WDFY2: variants seen among roughly 807,000 people sequenced by gnomAD.
WDFY2 encodes the protein WD repeat and FYVE domain containing 2.
Under a neutral mutation model 56.4 loss-of-function variants are expected in WDFY2, and 36 were observed. That is an observed-to-expected ratio of 0.64 (90% CI 0.49 to 0.84). The LOEUF is 0.84. Ranked by LOEUF, WDFY2 falls within the 40% of genes least tolerant of loss-of-function variation. The pLI, the probability that WDFY2 is intolerant of heterozygous loss-of-function variation, is 0.00. For missense variants in WDFY2, 444 were observed against 512.2 expected, an observed-to-expected ratio of 0.87 and a Z score of 1.29; for synonymous variants, 176 against 183.7, an observed-to-expected ratio of 0.96 and a Z score of 0.34.
intron 1 of WDFY2, among the ~76,000 whole-genome samples, chr13:51,650,429 TG>T (rs1955352846): frequency 1.3e-5 from 2 of 152,342 alleles, no homozygotes; most frequent in South Asian, 4.1e-4. Flanking sequence ...CCGATTGCCC[TG>T]GCCAGAACTT....
intron 1 of WDFY2, among the ~76,000 whole-genome samples, chr13:51,608,316 T>C (rs1221280430): frequency 1.3e-5 from 2 of 152,254 alleles, no homozygotes; most frequent in African/African-American, 2.4e-5. Context: ...CCCCTATTTT[T>C]CCTCATGAAC....
In WDFY2 at chr13:51,761,351, C is replaced by T. The variant is rs1382928800; in HGVS notation, c.*1582C>T. On this transcript the variant is annotated 3_prime_UTR_variant, in exon 12 of 12. Coordinates refer to ENST00000298125, the MANE Select transcript of WDFY2 (RefSeq NM_052950.4). ...AAGTCCCTTTTAAAAATCTTATTTT[C>T]ACCTGTAAAAATAGAATAAAAATTA... 1 of 152,178 alleles carries T rather than the reference C, an allele frequency of 6.6e-6. No individual in the cohort carries two copies. The highest frequency in any genetic ancestry group is 1.9e-4 in the East Asian group (1 of 5,194). 9.4% of individuals were successfully genotyped at this position (152,178 alleles called of 1,614,324 possible). A position where few individuals can be genotyped will look rare whatever the true frequency, so the allele number is the denominator to read the frequency against.
chr13:51,688,292 C>A (rs1467081757), intron 3 of WDFY2, among the ~76,000 whole-genome samples: 1 of 152,088 alleles, frequency 6.6e-6, no homozygotes, highest in Admixed American at 6.6e-5. Context: ...CTTTTGTGTT[C>A]ATGTAATGCG....
intron 1 of WDFY2, chr13:51,585,964 T>C (rs1343968430): frequency 5.0e-6 from 2 of 398,382 alleles, no homozygotes; most frequent in African/African-American, 4.1e-5. Flanking sequence ...AGTATATTAA[T>C]GACATGTTCT....
intron 7 of WDFY2, among the ~76,000 whole-genome samples, chr13:51,745,475 G>T (rs1201401912): frequency 1.3e-5 from 2 of 152,098 alleles, no homozygotes; most frequent in Admixed American, 6.5e-5. Flanking sequence ...TGTGGGATTA[G>T]GTGTGTCTTA....
At position 51,724,908 on chromosome 13, in the gene WDFY2, A is replaced by G. The variant is rs151325408; in HGVS notation, c.486-2770A>G. On this transcript the variant is annotated intron_variant, in intron 5 of 11. Transcript: ENST00000298125. ...TCTGAAATAAGCCCACTTAGCCTTC[A>G]GTAGCTTCCTTGCCTTCTGACTCAA... is the stretch of plus-strand genomic sequence containing the variant. Among the ~76,000 whole-genome samples, 933 of 152,324 alleles carry G rather than the reference A, an allele frequency of 6.1e-3. 9 individuals are homozygous for G. Among genetic ancestry groups the G allele is most frequent in the African/African-American group, 0.018 (767 of 41,570 alleles).
intron 4 of WDFY2, among the ~76,000 whole-genome samples, chr13:51,713,943 G>A (rs1471545802): frequency 6.6e-6 from 1 of 151,978 alleles, no homozygotes; most frequent in Non-Finnish European, 1.5e-5. Flanking sequence ...AAGGCAAATG[G>A]TGATTACCAA....
intron 7 of WDFY2, among the ~76,000 whole-genome samples, chr13:51,745,789 T>C (rs939772525): frequency 7.0e-6 from 1 of 143,790 alleles, no homozygotes; most frequent in African/African-American, 2.6e-5. Flanking sequence ...ATGAGGTTAG[T>C]CCTGATTATT....
At chr13:51,755,167 A>G (rs761287389) in intron 8 of WDFY2, among the ~76,000 whole-genome samples, 191 bp from the exon 9 acceptor site, 2 of 152,220 alleles carry the variant, frequency 1.3e-5, no homozygotes, top group African/African-American at 2.4e-5. Context: ...CTTATTCACC[A>G]CTACATCCCA....
intron 1 of WDFY2, among the ~76,000 whole-genome samples, chr13:51,608,575 G>A (rs887835137): frequency 3.3e-5 from 5 of 152,162 alleles, no homozygotes; most frequent in Non-Finnish European, 1.5e-5. Flanking sequence ...CAGCTACTTG[G>A]GTGGCTGAGG....
chr13:51,674,546 A>G (rs1047699448), intron 2 of WDFY2, among the ~76,000 whole-genome samples: 31 of 152,144 alleles, frequency 2.0e-4, no homozygotes, highest in Admixed American at 1.8e-3. Flanking sequence ...CTTTCCTACA[A>G]TGCCAAGCCC....
chr13:51,647,807 T>C (rs1456238728), intron 1 of WDFY2, among the ~76,000 whole-genome samples: 3 of 150,598 alleles, frequency 2.0e-5, no homozygotes, highest in African/African-American at 7.3e-5. Flanking sequence ...ACCACCATTA[T>C]ATATGTGGTC....
Position 51,712,379 on chromosome 13 carries a change from A to G in WDFY2, c.335-6819A>G, listed in dbSNP as rs1952241290. On this transcript the variant is annotated intron_variant, in intron 4 of 11. Coordinates refer to ENST00000298125, the MANE Select transcript of WDFY2 (RefSeq NM_052950.4). ...AATGGGTGCAGCACACCAACATGGC[A>G]CAAGTATACATATGTAACAAATCTG... Among the ~76,000 whole-genome samples, 3 of 152,314 alleles carry G rather than the reference A, an allele frequency of 2.0e-5. No individual in the cohort carries two copies. In the South Asian group the frequency reaches 6.2e-4, roughly 32 times the overall value.
At chr13:51,633,796 C>A (rs903816482) in intron 1 of WDFY2, among the ~76,000 whole-genome samples, 14 of 152,130 alleles carry the variant, frequency 9.2e-5, no homozygotes, top group African/African-American at 2.7e-4. Flanking sequence ...AGGGCAGCAC[C>A]TTTTATTGTG....
At chr13:51,595,401 G>T (rs1954126106) in intron 1 of WDFY2, among the ~76,000 whole-genome samples, 1 of 152,162 alleles carries the variant, frequency 6.6e-6, no homozygotes, top group Non-Finnish European at 1.5e-5. Context: ...GAATTTGTCG[G>T]CAAGGTTTAA....
At chr13:51,702,039 C>T (rs376469259) in intron 3 of WDFY2, among the ~76,000 whole-genome samples, 5 of 152,134 alleles carry the variant, frequency 3.3e-5, no homozygotes, top group South Asian at 4.2e-4. Context: ...TGGCCAGGTG[C>T]GGTGGTGCAC....
At chr13:51,615,725 G>A (rs1954598268) in intron 1 of WDFY2, among the ~76,000 whole-genome samples, 1 of 152,158 alleles carries the variant, frequency 6.6e-6, no homozygotes, top group Non-Finnish European at 1.5e-5. Flanking sequence ...TAACGACTTT[G>A]CAAAGTAATA....
intron 5 of WDFY2, among the ~76,000 whole-genome samples, chr13:51,723,174 G>T (rs1952528339): frequency 6.6e-6 from 1 of 152,036 alleles, no homozygotes. Flanking sequence ...CTCAATTTTT[G>T]CTGGAGTATT....
At chr13:51,598,730 G>A (rs1295565548) in intron 1 of WDFY2, 1 of 152,068 alleles carries the variant, frequency 6.6e-6, no homozygotes, top group African/African-American at 2.4e-5. Context: ...ATCAATGGTA[G>A]GGTTACTTGT....
Sources: gnomAD v4.1 joint callset for allele counts (sites outside exome capture counted in the v4.1 genomes callset) on GRCh38, gnomAD v4.1.1 for gene constraint, MANE v1.5 for transcripts, NCBI Gene and HGNC (gene_info 2026-07-23, HGNC 2026-07-21) for gene names.